Variants in RPS6KA2 observed in about 807,000 individuals in gnomAD.
RPS6KA2 encodes ribosomal protein S6 kinase A2, also known as ribosomal protein S6 kinase alpha-2.
In RPS6KA2, 42 loss-of-function variants were observed where a neutral mutation model predicts 91.8. That is an observed-to-expected ratio of 0.46 (90% confidence interval 0.36 to 0.59). The LOEUF (loss-of-function observed/expected upper bound fraction) is 0.59. Among genes scored for constraint, RPS6KA2 ranks in the 20% least tolerant of loss-of-function variants. RPS6KA2 has a pLI of 0.00. For synonymous variants in RPS6KA2, 414 were observed against 393.6 expected (o/e 1.05, Z -0.61); for missense variants, 798 against 978.5 (o/e 0.82, Z 2.46).
At chr6:166,671,167 A>G (rs1298808645) in intron 2 of RPS6KA2, among the ~76,000 whole-genome samples, 2 of 152,202 alleles carry the variant, frequency 1.3e-5, no homozygotes, top group Non-Finnish European at 2.9e-5. Context: ...AGAGCCATGC[A>G]GAGTAAATGG....
At chr6:166,451,832 A>T (rs532981428) in intron 12 of RPS6KA2, among the ~76,000 whole-genome samples, 1 of 152,344 alleles carries the variant, frequency 6.6e-6, no homozygotes, top group South Asian at 2.1e-4. Flanking sequence ...TCTCTGTAAG[A>T]TCTGTGTTCA....
At chr6:166,679,706 C>T (rs1347871403) in intron 2 of RPS6KA2, among the ~76,000 whole-genome samples, 1 of 152,022 alleles carries the variant, frequency 6.6e-6, no homozygotes, top group African/African-American at 2.4e-5. Flanking sequence ...GGGCCCATCT[C>T]TGGGGCTGGC....
At chr6:166,752,720 G>A (rs992852434) in intron 2 of RPS6KA2, among the ~76,000 whole-genome samples, 1 of 152,110 alleles carries the variant, frequency 6.6e-6, no homozygotes, top group Non-Finnish European at 1.5e-5. Context: ...TCACAACCTG[G>A]TTCTCCCACC....
Position 166,821,666 on chromosome 6 carries a change from C to A in RPS6KA2, c.123+36534G>T, listed in dbSNP as rs1398752115. On this transcript the variant is annotated intron_variant, in intron 2 of 21. Transcript: ENST00000503859. This position sits in a 1 kb window ranked among gnomAD's most constrained non-coding sequence, Gnocchi z 4.1. ...CTGTGCCCCAGATTTCCACTCGGAG[C>A]CCTCATCCCTTCATAATCTGTAGCC... Among the ~76,000 whole-genome samples, 1 of 152,002 alleles carries A rather than the reference C, an allele frequency of 6.6e-6. No individual in the cohort carries two copies. Among genetic ancestry groups the A allele is most frequent in the Non-Finnish European group, 1.5e-5 (1 of 67,978 alleles).
At chr6:166,414,790 C>G (rs143022878) in intron 19 of RPS6KA2, among the ~76,000 whole-genome samples, 1 of 152,218 alleles carries the variant, frequency 6.6e-6, no homozygotes, top group Non-Finnish European at 1.5e-5. Context: ...TGCGGCTGGG[C>G]GCGTTGGCTC....
intron 3 of RPS6KA2, among the ~76,000 whole-genome samples, chr6:166,519,650 A>T (rs962879593): frequency 6.6e-6 from 1 of 152,224 alleles, no homozygotes; most frequent in Non-Finnish European, 1.5e-5. Context: ...TGAAGGGCAC[A>T]CTGGTTTCCT....
At position 166,435,792 on chromosome 6, in the gene RPS6KA2, T is replaced by C. The variant is rs1583130525; in HGVS notation, c.1333-3302A>G. On this transcript the variant is annotated intron_variant, in intron 14 of 20. Transcript: ENST00000265678. The surrounding 1 kb of genome is among the most constrained non-coding windows in gnomAD (Gnocchi z 4.3). ...GGCCTGTGGCCATGTCACTTGCTGGTACTTGAATGTGGGTGTCTGCAGGCT... is the reference window on the plus strand; with the variant it reads ...GGCCTGTGGCCATGTCACTTGCTGGCACTTGAATGTGGGTGTCTGCAGGCT... 6.6e-6 allele frequency among the ~76,000 whole-genome samples: 1 copy of C among 152,242 alleles called. No homozygotes were observed. The highest frequency in any genetic ancestry group is 1.5e-5 in the Non-Finnish European group (1 of 68,038).
intron 1 of RPS6KA2, among the ~76,000 whole-genome samples, chr6:166,564,239 C>G (rs142725210): frequency 2.6e-5 from 4 of 152,220 alleles, no homozygotes; most frequent in African/African-American, 9.6e-5. Flanking sequence ...CCGCATCATT[C>G]GATCAAGAGT....
chr6:166,519,677 G>A (rs978313895), intron 3 of RPS6KA2, among the ~76,000 whole-genome samples: 1 of 152,188 alleles, frequency 6.6e-6, no homozygotes, highest in African/African-American at 2.4e-5. Flanking sequence ...GAAAACACGG[G>A]AGGAAGCACT....
At chr6:166,824,058 A>ATG (rs10678731) in intron 2 of RPS6KA2, among the ~76,000 whole-genome samples, 2,111 of 151,710 alleles carry the variant, frequency 0.014, 51 homozygotes, top group African/African-American at 0.048. Context: ...TTGGTTGTGT[A>ATG]TGTGTGTGTG....
chr6:166,616,091 A>T (rs1368461729), intron 1 of RPS6KA2, among the ~76,000 whole-genome samples: 1 of 152,066 alleles, frequency 6.6e-6, no homozygotes, highest in Admixed American at 6.5e-5. Flanking sequence ...ACGCAGCCTC[A>T]GTGGGGAGAA....
At chr6:166,492,462 T>C (rs569186301) in intron 8 of RPS6KA2, among the ~76,000 whole-genome samples, 4 of 152,328 alleles carry the variant, frequency 2.6e-5, no homozygotes, top group Admixed American at 2.6e-4. Flanking sequence ...TCTCTCAGAA[T>C]AGAATGGTAT....
chr6:166,831,649 C>T (rs993777399), intron 2 of RPS6KA2, among the ~76,000 whole-genome samples: 4 of 151,078 alleles, frequency 2.6e-5, no homozygotes, highest in Admixed American at 6.6e-5. Flanking sequence ...GGCCTGGGCT[C>T]GGTAGCAAAA....
chr6:166,659,066 C>A (rs948181364), intron 2 of RPS6KA2, among the ~76,000 whole-genome samples: 1 of 118,288 alleles, frequency 8.5e-6, no homozygotes, highest in East Asian at 2.6e-4. Context: ...CCCCACAACA[C>A]CCCCCCTTTT....
chr6:166,788,077 A>G (rs1436950868), intron 2 of RPS6KA2, among the ~76,000 whole-genome samples: 1 of 152,228 alleles, frequency 6.6e-6, no homozygotes, highest in Non-Finnish European at 1.5e-5. Context: ...CATATGAAAA[A>G]AAGCTCATCA....
intron 8 of RPS6KA2, among the ~76,000 whole-genome samples, chr6:166,496,492 C>G (rs1781793206): frequency 6.6e-6 from 1 of 152,120 alleles, no homozygotes; most frequent in Non-Finnish European, 1.5e-5. Context: ...CCCTGTCCCC[C>G]CAGAAACCTC....
At chr6:166,735,425 G>C (rs1204168168) in intron 2 of RPS6KA2, among the ~76,000 whole-genome samples, 1 of 152,166 alleles carries the variant, frequency 6.6e-6, no homozygotes, top group Non-Finnish European at 1.5e-5. Context: ...GGATGAGGGT[G>C]GGGGACAGTT....
At chr6:166,420,026 C>T in intron 17 of RPS6KA2, 68 bp from the exon 18 acceptor site, 1 of 1,441,928 alleles carries the variant, frequency 6.9e-7, no homozygotes, top group Non-Finnish European at 9.7e-7. Context: ...GCACGTTTCT[C>T]CAGCGGCATC....
chr6:166,450,203 A>T (rs1779840527), intron 13 of RPS6KA2, among the ~76,000 whole-genome samples: 1 of 139,194 alleles, frequency 7.2e-6, no homozygotes, highest in Non-Finnish European at 1.6e-5. Context: ...TCACCATGGG[A>T]GGCTACCCTA....
Sources: allele counts gnomAD v4.1 joint callset (sites outside exome capture counted in the v4.1 genomes callset), GRCh38; gene constraint gnomAD v4.1.1; non-coding constraint Gnocchi (gnomAD v3.1); transcripts MANE v1.5; gene names NCBI Gene and HGNC (gene_info 2026-07-23, HGNC 2026-07-21).